OXCT1: variants seen among roughly 807,000 people sequenced by gnomAD.
The protein encoded by OXCT1 is 3-oxoacid CoA-transferase 1.
A neutral mutation model predicts 69.6 loss-of-function variants in OXCT1; 27 were observed. The observed-to-expected ratio is 0.39, with a 90% confidence interval of 0.29 to 0.54. The LOEUF is 0.54. OXCT1 is among the 20% of genes least tolerant of loss of function. OXCT1 has a pLI of 0.72. For synonymous variants in OXCT1, 202 were observed against 217.8 expected, an observed-to-expected ratio of 0.93 and a Z score of 0.64; for missense variants, 437 against 650.2, an observed-to-expected ratio of 0.67 and a Z score of 3.57.
At chr5:41,791,507 T>G (rs964076017) in intron 13 of OXCT1, among the ~76,000 whole-genome samples, 3 of 152,202 alleles carry the variant, frequency 2.0e-5, no homozygotes, top group South Asian at 2.1e-4. Flanking sequence ...TTGGAAAAGC[T>G]TTCCTACAAA....
In OXCT1 at chr5:41,749,554, T is replaced by A. The variant is rs1743663333; in HGVS notation, c.1392A>T (p.Gln464His). ...TTTCAGTAATAATGCGGTTGACACATTGCTTTCCAGTCAATGGTAATGTAC... is the reference window on the plus strand; with the variant it reads ...TTTCAGTAATAATGCGGTTGACACAATGCTTTCCAGTCAATGGTAATGTAC... ...EKCTLPLTGK[Q>H]CVNRIITEKA... Residue 464 changes from glutamine (Q) to histidine (H), a missense_variant, in exon 15 of 17, where the codon CAA (glutamine) becomes CAT (histidine). By Grantham distance (24) the Gln-to-His change is conservative. This residue lies in a region of OXCT1 where 102 missense variants were observed against 162.1 expected (regional missense o/e 0.63). Coordinates refer to ENST00000196371, the MANE Select transcript of OXCT1 (RefSeq NM_000436.4). 6.2e-7 allele frequency: 1 copy of A among 1,609,064 alleles called. No individual in the cohort carries two copies. Among genetic ancestry groups the A allele is most frequent in the South Asian group, 1.1e-5 (1 of 90,878 alleles).
At chr5:41,829,664 T>A (rs1406531685) in intron 7 of OXCT1, among the ~76,000 whole-genome samples, 2 of 152,180 alleles carry the variant, frequency 1.3e-5, no homozygotes, top group Admixed American at 1.3e-4. Flanking sequence ...TGGGTGTAAA[T>A]GGTCATTAAG....
intron 16 of OXCT1, among the ~76,000 whole-genome samples, chr5:41,738,551 G>A (rs1409290147): frequency 6.6e-6 from 1 of 152,184 alleles, no homozygotes; most frequent in Non-Finnish European, 1.5e-5. Context: ...ATGTGGACCT[G>A]AGTCCATCAA....
At chr5:41,737,513 A>C (rs922885433) in intron 16 of OXCT1, among the ~76,000 whole-genome samples, 1 of 152,180 alleles carries the variant, frequency 6.6e-6, no homozygotes, top group Non-Finnish European at 1.5e-5. Context: ...TTCCACATAG[A>C]AAAAAATAAT....
At chr5:41,777,521 T>C (rs1348768715) in intron 13 of OXCT1, among the ~76,000 whole-genome samples, 1 of 152,144 alleles carries the variant, frequency 6.6e-6, no homozygotes, top group Non-Finnish European at 1.5e-5. Context: ...CAGAAAGAGG[T>C]AATCGAATCC....
chr5:41,759,310 A>T (rs1744233492), intron 14 of OXCT1, among the ~76,000 whole-genome samples: 1 of 152,076 alleles, frequency 6.6e-6, no homozygotes, highest in Non-Finnish European at 1.5e-5. Flanking sequence ...ATGCAGTGCC[A>T]AGCACAGCAC....
intron 15 of OXCT1, among the ~76,000 whole-genome samples, chr5:41,747,052 G>A (rs960488355): frequency 6.6e-6 from 1 of 152,064 alleles, no homozygotes; most frequent in Non-Finnish European, 1.5e-5. Context: ...TTACATAAAA[G>A]CTTACAGTGT....
chr5:41,845,831 G>A (rs1748871258), intron 5 of OXCT1, among the ~76,000 whole-genome samples: 2 of 151,976 alleles, frequency 1.3e-5, no homozygotes, highest in Non-Finnish European at 1.5e-5. Context: ...CTTTTACTTT[G>A]TCAAGAAGCC....
intron 11 of OXCT1, 58 bp downstream of exon 11, chr5:41,800,964 C>G: frequency 7.1e-7 from 1 of 1,418,416 alleles, no homozygotes; most frequent in Non-Finnish European, 1.0e-6. Flanking sequence ...AGTCCAAACT[C>G]TTATTATGTA....
chr5:41,794,112 C>T (rs371487833), intron 12 of OXCT1, 34 bp from the exon 13 acceptor site: 37 of 1,524,086 alleles, frequency 2.4e-5, no homozygotes, highest in Middle Eastern at 1.7e-4. Flanking sequence ...AAGTGAACCT[C>T]ATAAGCTTTT....
intron 13 of OXCT1, among the ~76,000 whole-genome samples, chr5:41,784,054 TG>T (rs1056701675): frequency 2.6e-5 from 4 of 152,234 alleles, no homozygotes; most frequent in Admixed American, 2.6e-4. Flanking sequence ...AATTTGCTTT[TG>T]TTCCTTTCGG....
At chr5:41,748,732 G>A (rs1034276713) in intron 15 of OXCT1, among the ~76,000 whole-genome samples, 26 of 152,036 alleles carry the variant, frequency 1.7e-4, no homozygotes, top group African/African-American at 6.0e-4. Context: ...TGAGGTTAGC[G>A]AGTCAGATTA....
In OXCT1 at chr5:41,753,529, C is replaced by T. The variant is rs142386810; in HGVS notation, c.1339-3922G>A. Among the ~76,000 whole-genome samples the T allele has an allele frequency of 6.6e-5, 10 of 152,178 alleles. No homozygotes were observed. In the East Asian group the frequency reaches 1.9e-3, roughly 30 times the overall value. ...TCACCCCAGATTCAAACGGCAACACCCTTCCTATTCAGGAGTTGGCTCAGA... is the reference window on the plus strand; with the variant it reads ...TCACCCCAGATTCAAACGGCAACACTCTTCCTATTCAGGAGTTGGCTCAGA... On this transcript the variant is annotated intron_variant, in intron 14 of 16. Coordinates refer to ENST00000196371, the MANE Select transcript of OXCT1 (RefSeq NM_000436.4).
chr5:41,748,323 A>T (rs1340882607), intron 15 of OXCT1, among the ~76,000 whole-genome samples: 1 of 151,932 alleles, frequency 6.6e-6, no homozygotes, highest in Non-Finnish European at 1.5e-5. Flanking sequence ...ACATGTGGAG[A>T]TGAGGAGAGG....
At chr5:41,846,212 T>C (rs1748897255) in intron 5 of OXCT1, among the ~76,000 whole-genome samples, 4 of 150,912 alleles carry the variant, frequency 2.7e-5, no homozygotes, top group Admixed American at 2.6e-4. Context: ...ACATGTGCCA[T>C]GCTGGTGTGC....
chr5:41,799,697 A>C (rs1172797567), intron 11 of OXCT1, among the ~76,000 whole-genome samples: 1 of 152,212 alleles, frequency 6.6e-6, no homozygotes, highest in Non-Finnish European at 1.5e-5. Context: ...ATTTTCACAG[A>C]TCAATGAGCT....
intron 7 of OXCT1, among the ~76,000 whole-genome samples, chr5:41,829,131 G>A (rs543532732): frequency 6.6e-6 from 1 of 152,056 alleles, no homozygotes; most frequent in Admixed American, 6.5e-5. Context: ...AGAAGGATGA[G>A]GAATATGCCC....
At chr5:41,869,996 G>T in intron 1 of OXCT1, 1 of 462,808 alleles carries the variant, frequency 2.2e-6, no homozygotes, top group Non-Finnish European at 4.0e-6. Flanking sequence ...GGGCTCGGGA[G>T]CGCTGCCAGG....
chr5:41,869,510 G>A (rs1217670743), intron 1 of OXCT1, among the ~76,000 whole-genome samples: 1 of 152,214 alleles, frequency 6.6e-6, no homozygotes, highest in Non-Finnish European at 1.5e-5. Context: ...GATACCACTC[G>A]GTGGAGAGTC....
Sources: gnomAD v4.1 joint callset for allele counts (sites outside exome capture counted in the v4.1 genomes callset) on GRCh38, gnomAD v4.1.1 for gene constraint, gnomAD v4.1.1 regional missense constraint, MANE v1.5 for transcripts, NCBI Gene and HGNC (gene_info 2026-07-23, HGNC 2026-07-21) for gene names.